Variants in DGKD observed in about 807,000 individuals in gnomAD.
The protein encoded by DGKD is DAG kinase delta.
In DGKD, 68 loss-of-function variants were observed where a neutral mutation model predicts 154.4. The observed-to-expected ratio is 0.44, with a 90% CI of 0.36 to 0.54. The LOEUF is 0.54. DGKD is among the 20% of genes least tolerant of loss of function. The probability of loss-of-function intolerance (pLI) is 0.00; values close to 1 mark genes in which losing one functional copy is unlikely to be tolerated. For missense variants in DGKD, 1,343 were observed against 1,593.6 expected (o/e 0.84, Z 2.68); for synonymous variants, 693 against 638.0 (o/e 1.09, Z -1.30).
chr2:233,459,459 A>G lies in DGKD; in HGVS notation c.2695-298A>G, dbSNP rs1411277227. On this transcript the variant is annotated intron_variant, in intron 22 of 29. Transcript: ENST00000264057. This position sits in a 1 kb window ranked among gnomAD's most constrained non-coding sequence, Gnocchi z 5.7. ...GGCCCAGTGGCTTCTGGGAGCTACA[A>G]CACCCCTGCCCCTGGGTTCTGACAC... 6.7e-6 allele frequency among the ~76,000 whole-genome samples: 1 copy of G among 148,430 alleles called. No homozygotes were observed. The highest frequency in any genetic ancestry group is 2.5e-5 in the African/African-American group (1 of 40,324).
intron 11 of DGKD, 114 bp from the exon 12 acceptor site, chr2:233,446,598 A>G: frequency 9.5e-7 from 1 of 1,057,310 alleles, no homozygotes; most frequent in Non-Finnish European, 1.4e-6. Context: ...CCTAAAAATG[A>G]AGTCAGAAAC....
At chr2:233,387,296 T>G (rs892712193) in intron 1 of DGKD, among the ~76,000 whole-genome samples, 8 of 152,226 alleles carry the variant, frequency 5.3e-5, no homozygotes, top group Non-Finnish European at 1.0e-4. Flanking sequence ...TGCTTGTCTT[T>G]GAACAGAATT....
rs749776993 is a variant in DGKD at position 233,467,190 on chromosome 2, C to T, written c.3411C>T (p.Ser1137=). Residue 1137 remains serine (S), a synonymous_variant, in exon 28 of 30, where the codon AGC becomes AGT. Transcript: ENST00000264057. ...KNNKNKEAHS[S]LGAPVHLWGT... is the part of the protein sequence containing the mutation. ...ACAAGAACAAAGAAGCTCACAGTAG[C>T]CTGGGAGCCCCGGGTACCTGCCTCT... is the stretch of plus-strand genomic sequence containing the variant. 1 of 1,613,188 alleles carries T rather than the reference C, an allele frequency of 6.2e-7. No homozygotes were observed. The highest frequency in any genetic ancestry group is 1.7e-5 in the Admixed American group (1 of 60,034).
intron 3 of DGKD, among the ~76,000 whole-genome samples, chr2:233,401,553 A>G (rs1575049468): frequency 1.3e-5 from 2 of 152,284 alleles, no homozygotes; most frequent in East Asian, 3.9e-4. Flanking sequence ...TAGAGAGGAA[A>G]GACAAGTTTT....
At chr2:233,460,716 C>T (rs372168496) in intron 24 of DGKD, among the ~76,000 whole-genome samples, 214 of 152,216 alleles carry the variant, frequency 1.4e-3, no homozygotes, top group Non-Finnish European at 2.2e-3. Context: ...TGGTGAAACC[C>T]CGTCTCTACT....
intron 3 of DGKD, chr2:233,419,428 G>C: frequency 1.0e-6 from 1 of 985,662 alleles, no homozygotes; most frequent in Non-Finnish European, 1.2e-6. Context: ...GCAGGTAAGA[G>C]CCCCAGGGGA....
At chr2:233,363,700 A>G (rs1231526252) in intron 1 of DGKD, among the ~76,000 whole-genome samples, 4 of 152,226 alleles carry the variant, frequency 2.6e-5, no homozygotes, top group African/African-American at 9.6e-5. Context: ...CAGGTGTACC[A>G]TTTTAAAAAT....
chr2:233,382,831 A>G (rs1372203085), intron 1 of DGKD, among the ~76,000 whole-genome samples: 1 of 152,222 alleles, frequency 6.6e-6, no homozygotes. Context: ...TGTGAAGCAC[A>G]GTCACGGACT....
At chr2:233,375,710 A>G (rs529804715) in intron 1 of DGKD, among the ~76,000 whole-genome samples, 8 of 151,998 alleles carry the variant, frequency 5.3e-5, no homozygotes, top group Non-Finnish European at 8.8e-5. Context: ...CCCTGTCTGC[A>G]CCCCTCTTAT....
At chr2:233,419,482 G>T in intron 3 of DGKD, 5 of 980,194 alleles carry the variant, frequency 5.1e-6, no homozygotes, top group Non-Finnish European at 6.1e-6. Flanking sequence ...GTGAGTTCAA[G>T]GTCAGGGTTT....
intron 3 of DGKD, among the ~76,000 whole-genome samples, chr2:233,431,019 T>G (rs1463370972): frequency 6.6e-6 from 1 of 152,140 alleles, no homozygotes; most frequent in African/African-American, 2.4e-5. Context: ...GTATCCAAAT[T>G]GGAAAGGAAG....
chr2:233,389,831 G>A (rs537585655), intron 2 of DGKD, among the ~76,000 whole-genome samples: 1 of 152,268 alleles, frequency 6.6e-6, no homozygotes, highest in Admixed American at 6.5e-5. Flanking sequence ...CCCTGCCCTG[G>A]AGCATCTTTC....
At chr2:233,412,648 G>T (rs1187108079) in intron 3 of DGKD, among the ~76,000 whole-genome samples, 2 of 152,192 alleles carry the variant, frequency 1.3e-5, no homozygotes, top group African/African-American at 4.8e-5. Context: ...GAGTAGCGAA[G>T]GCAGGAATCC....
chr2:233,445,708 A>T lies in DGKD; in HGVS notation c.1280A>T (p.Gln427Leu). 6.2e-7 allele frequency: 1 copy of T among 1,613,594 alleles called. No homozygotes were observed. The highest frequency in any genetic ancestry group is 1.1e-5 in the South Asian group (1 of 90,938). The stretch of plus-strand genomic sequence containing the variant: ...GGCTCAGCCTGCGATGACGACACCC[A>T]GCTCCCCCAGATCTTGGAGAAGTTG... ...GWGSACDDDTQLPQILEKLER... is the reference protein window; with the variant it reads ...GWGSACDDDTLLPQILEKLER... Residue 427 changes from glutamine (Q) to leucine (L), a missense_variant, in exon 11 of 30, where the codon CAG becomes CTG. By Grantham distance (113) the Gln-to-Leu change is moderately radical. Around this residue, in one of 6 missense-constraint regions of DGKD, gnomAD observed 409 missense variants for 446.0 expected, o/e 0.92. Transcript: ENST00000264057. The surrounding 1 kb of genome is among the most constrained non-coding windows in gnomAD (Gnocchi z 5.5).
At position 233,438,445 on chromosome 2, in the gene DGKD, TAAA is replaced by T; in HGVS notation, c.1085+75_1085+77del. 2 of 1,280,554 alleles carry T rather than the reference TAAA, an allele frequency of 1.6e-6. No homozygotes were observed. Among genetic ancestry groups the T allele is most frequent in the South Asian group, 1.6e-5 (1 of 64,278 alleles). The allele number at this position is 1,280,554 out of a possible 1,614,324, so 79.3% of individuals were successfully genotyped here. On this transcript the variant is annotated intron_variant, in intron 9 of 29. Transcript: ENST00000264057. The surrounding 1 kb of genome is among the most constrained non-coding windows in gnomAD (Gnocchi z 4.1). ...AATTGTGTAGATAGTGTGTGCTTGTTAAAAAAAAAAAGTTCAAAGACACAAAGC... is the reference window on the plus strand; with the variant it reads ...AATTGTGTAGATAGTGTGTGCTTGTTAAAAAAAAGTTCAAAGACACAAAGC...
chr2:233,391,934 A>G (rs1420745772), intron 3 of DGKD: 1 of 152,206 alleles, frequency 6.6e-6, no homozygotes, highest in Non-Finnish European at 1.5e-5. Context: ...TTTTAACCAC[A>G]TAAATAGATT....
rs554933760 is a variant in DGKD, at chr2:233,425,847, G to A, written c.349-8533G>A. 3.9e-5 allele frequency among the ~76,000 whole-genome samples: 6 copies of A among 152,258 alleles called. No homozygotes were observed. In the East Asian group the frequency reaches 9.6e-4, roughly 24 times the overall value. On this transcript the variant is annotated intron_variant, in intron 3 of 29. Transcript: ENST00000264057. ...ATATTTTGTCTTTATAGTGAATGCC[G>A]CCACAAATAACCTTGTATATACAGT...
intron 3 of DGKD, among the ~76,000 whole-genome samples, chr2:233,418,147 T>C (rs188504273): frequency 1.3e-5 from 2 of 152,384 alleles, no homozygotes; most frequent in African/African-American, 2.4e-5. Context: ...ACTATGGGCC[T>C]GTGACATACC....
At chr2:233,371,690 C>G in intron 1 of DGKD, among the ~76,000 whole-genome samples, 1 of 152,138 alleles carries the variant, frequency 6.6e-6, no homozygotes, top group South Asian at 2.1e-4. Flanking sequence ...AGTCTTTGAT[C>G]CATTTTGAGT....
Sources: allele counts gnomAD v4.1 joint callset (sites outside exome capture counted in the v4.1 genomes callset), GRCh38; gene constraint gnomAD v4.1.1; regional missense constraint gnomAD v4.1.1; non-coding constraint Gnocchi (gnomAD v3.1); transcripts MANE v1.5; gene names NCBI Gene and HGNC (gene_info 2026-07-23, HGNC 2026-07-21).